NALF1: variants seen among roughly 807,000 people sequenced by gnomAD.
NALF1 encodes family with sequence similarity 155 member A.
NALF1 carries 3 observed loss-of-function variants against 48.4 expected under a neutral mutation model. That is an observed-to-expected ratio of 0.06 (90% CI 0.03 to 0.16). The LOEUF (loss-of-function observed/expected upper bound fraction) is 0.16, where lower values mean the gene tolerates loss of function less well. NALF1 is among the 10% of genes least tolerant of loss of function. The pLI is 1.00. For synonymous variants in NALF1, 262 were observed against 245.7 expected (o/e 1.07, Z -0.62); for missense variants, 526 against 571.5 (o/e 0.92, Z 0.81).
chr13:107,788,738 G>A (rs1716724293), intron 1 of NALF1: 1 of 152,026 alleles, frequency 6.6e-6, no homozygotes, highest in Non-Finnish European at 1.5e-5. Context: ...TTAGCAGCTA[G>A]AATATATCTG....
At chr13:107,536,432 A>G (rs1193093233) in intron 1 of NALF1, among the ~76,000 whole-genome samples, 5 of 152,318 alleles carry the variant, frequency 3.3e-5, no homozygotes, top group African/African-American at 1.2e-4. Context: ...ATGAACAGAC[A>G]CTTCTCAAAA....
At chr13:107,567,873 G>A (rs773190144) in intron 1 of NALF1, among the ~76,000 whole-genome samples, 24 of 152,100 alleles carry the variant, frequency 1.6e-4, no homozygotes, top group Non-Finnish European at 3.1e-4. Flanking sequence ...ATGAAACTAC[G>A]TGATTTGTAT....
At chr13:107,592,461 C>T (rs1354584870) in intron 1 of NALF1, among the ~76,000 whole-genome samples, 3 of 151,674 alleles carry the variant, frequency 2.0e-5, no homozygotes, top group South Asian at 2.1e-4. Flanking sequence ...ATGGTTTGTC[C>T]TTTGACATTA....
intron 1 of NALF1, among the ~76,000 whole-genome samples, chr13:107,223,918 A>G (rs1880045564): frequency 6.6e-6 from 1 of 152,244 alleles, no homozygotes; most frequent in South Asian, 2.1e-4. Flanking sequence ...GGCCTATCTT[A>G]GCCCATGTCT....
Position 107,362,644 on chromosome 13 carries a change from C to A in NALF1, c.916-151889G>T, listed in dbSNP as rs1038864377. Among the ~76,000 whole-genome samples, 2 of 152,106 alleles carry A rather than the reference C, an allele frequency of 1.3e-5. No individual in the cohort carries two copies. Among genetic ancestry groups the A allele is most frequent in the African/African-American group, 4.8e-5 (2 of 41,408 alleles). ...AAGGCCTTATTTCCAAATAAGGTCA[C>A]ATTAACAGATTCTGGGAGTTAGGAC... On this transcript the variant is annotated intron_variant, in intron 1 of 2. Coordinates refer to ENST00000375915, the MANE Select transcript of NALF1 (RefSeq NM_001080396.3). The surrounding 1 kb of genome is among the most constrained non-coding windows in gnomAD (Gnocchi z 4.6).
At chr13:107,297,109 G>A (rs1412955401) in intron 1 of NALF1, among the ~76,000 whole-genome samples, 1 of 152,024 alleles carries the variant, frequency 6.6e-6, no homozygotes, top group African/African-American at 2.4e-5. Flanking sequence ...AGCACCCCGA[G>A]CCTCTCAGTC....
At chr13:107,571,471 T>G (rs1344219671) in intron 1 of NALF1, among the ~76,000 whole-genome samples, 1 of 152,154 alleles carries the variant, frequency 6.6e-6, no homozygotes, top group Non-Finnish European at 1.5e-5. Context: ...GGTGTACACA[T>G]GGAGGACCTG....
intron 1 of NALF1, among the ~76,000 whole-genome samples, chr13:107,394,946 C>G (rs117255590): frequency 0.018 from 2,778 of 152,224 alleles, 34 homozygotes; most frequent in Middle Eastern, 0.061. Flanking sequence ...CCAGTGGGGC[C>G]CTCCAATGGG....
chr13:107,586,047 T>C (rs373197460), intron 1 of NALF1, among the ~76,000 whole-genome samples: 10 of 152,106 alleles, frequency 6.6e-5, no homozygotes, highest in South Asian at 4.2e-4. Flanking sequence ...GTGACAAAAA[T>C]GGAGATAAGC....
intron 1 of NALF1, among the ~76,000 whole-genome samples, chr13:107,235,482 G>A (rs556921205): frequency 2.2e-4 from 33 of 152,104 alleles, no homozygotes; most frequent in Non-Finnish European, 4.0e-4. Flanking sequence ...CATGAAATTG[G>A]GGTAGTATTC....
At chr13:107,663,858 C>G (rs1272530019) in intron 1 of NALF1, among the ~76,000 whole-genome samples, 1 of 152,144 alleles carries the variant, frequency 6.6e-6, no homozygotes. Context: ...CCCACCACTT[C>G]AGGTACTTTT....
At chr13:107,590,263 A>G (rs2138416932) in intron 1 of NALF1, among the ~76,000 whole-genome samples, 1 of 152,164 alleles carries the variant, frequency 6.6e-6, no homozygotes, top group East Asian at 1.9e-4. Flanking sequence ...TTTTATTTCT[A>G]TAAGTTGTTT....
intron 1 of NALF1, among the ~76,000 whole-genome samples, chr13:107,325,887 T>TATATATACACAC (rs752320518): frequency 1.2e-4 from 7 of 58,892 alleles, no homozygotes; most frequent in African/African-American, 1.6e-4. Flanking sequence ...TATATATATA[T>TATATATACACAC]ACACACACAC....
chr13:107,196,235 C>A (rs2138789316), intron 2 of NALF1, among the ~76,000 whole-genome samples: 1 of 152,200 alleles, frequency 6.6e-6, no homozygotes, highest in Non-Finnish European at 1.5e-5. Flanking sequence ...ATAATCTGTA[C>A]AAGAAACCCC....
intron 1 of NALF1, among the ~76,000 whole-genome samples, chr13:107,755,832 C>T (rs1383874391): frequency 6.6e-6 from 1 of 152,118 alleles, no homozygotes; most frequent in Non-Finnish European, 1.5e-5. Context: ...ACCAGGAGCC[C>T]TGTTACTTCA....
intron 1 of NALF1, among the ~76,000 whole-genome samples, chr13:107,379,279 C>G (rs1019589418): frequency 6.6e-6 from 1 of 152,080 alleles, no homozygotes; most frequent in Non-Finnish European, 1.5e-5. Context: ...TGTGTTATCA[C>G]CAAGGAAACA....
chr13:107,803,703 TA>T (rs1878688794), intron 1 of NALF1, among the ~76,000 whole-genome samples: 1 of 152,170 alleles, frequency 6.6e-6, no homozygotes, highest in South Asian at 2.1e-4. Flanking sequence ...TTTTGATTTG[TA>T]AAACTAAGTA....
chr13:107,620,815 G>T (rs1349345633), intron 1 of NALF1, among the ~76,000 whole-genome samples: 2 of 152,196 alleles, frequency 1.3e-5, no homozygotes, highest in African/African-American at 4.8e-5. Context: ...TGTCTGTGCA[G>T]TGAGGGAATG....
chr13:107,261,975 T>C (rs551202221), intron 1 of NALF1, among the ~76,000 whole-genome samples: 62 of 152,324 alleles, frequency 4.1e-4, no homozygotes, highest in Non-Finnish European at 7.3e-4. Context: ...TATGGAAATA[T>C]ATCAGGGGCA....
Sources: gnomAD v4.1 joint callset for allele counts (sites outside exome capture counted in the v4.1 genomes callset) on GRCh38, gnomAD v4.1.1 for gene constraint, Gnocchi (gnomAD v3.1) non-coding constraint, MANE v1.5 for transcripts, NCBI Gene and HGNC (gene_info 2026-07-23, HGNC 2026-07-21) for gene names.